Variants in EPHA5 observed in about 807,000 individuals in gnomAD.
EPHA5 encodes the protein EPH receptor A5, also known as ephrin type-A receptor 5.
EPHA5 carries 60 observed loss-of-function variants against 105.0 expected under a neutral mutation model. That is an observed-to-expected ratio of 0.57 (90% CI 0.46 to 0.71). The LOEUF is 0.71. Among genes scored for constraint, EPHA5 ranks in the 30% least tolerant of loss-of-function variants. The pLI, the probability that EPHA5 is intolerant of heterozygous loss-of-function variation, is 0.00. For synonymous variants in EPHA5, 513 were observed against 449.1 expected, an observed-to-expected ratio of 1.14 and a Z score of -1.80; for missense variants, 1,218 against 1,274.7, an observed-to-expected ratio of 0.96 and a Z score of 0.68.
intron 2 of EPHA5, among the ~76,000 whole-genome samples, chr4:65,638,643 G>A (rs1455670927): frequency 6.6e-6 from 1 of 152,156 alleles, no homozygotes; most frequent in Non-Finnish European, 1.5e-5. Flanking sequence ...GAAGGCTGAG[G>A]CAGGAGAATT....
chr4:65,379,336 C>G (rs1280204960), intron 8 of EPHA5, among the ~76,000 whole-genome samples: 1 of 151,260 alleles, frequency 6.6e-6, no homozygotes, highest in Non-Finnish European at 1.5e-5. Context: ...AGAATCTAAA[C>G]CAAGTTACAT....
At chr4:65,346,781 A>C (rs1385241457) in intron 14 of EPHA5, among the ~76,000 whole-genome samples, 1 of 152,214 alleles carries the variant, frequency 6.6e-6, no homozygotes, top group Non-Finnish European at 1.5e-5. Flanking sequence ...ACAAATTTAC[A>C]AGAAAAAAAT....
intron 5 of EPHA5, among the ~76,000 whole-genome samples, chr4:65,429,163 T>C (rs781455070): frequency 1.7e-4 from 26 of 152,068 alleles, no homozygotes; most frequent in Non-Finnish European, 3.4e-4. Context: ...ATTTTTACAG[T>C]ATTGTAGTAA....
chr4:65,406,188 C>T (rs1560502967), intron 7 of EPHA5, among the ~76,000 whole-genome samples: 1 of 152,154 alleles, frequency 6.6e-6, no homozygotes, highest in Non-Finnish European at 1.5e-5. Flanking sequence ...AAGCAGATAT[C>T]ACCTTTAGGG....
At chr4:65,432,449 T>C (rs1470720141) in intron 5 of EPHA5, among the ~76,000 whole-genome samples, 1 of 152,220 alleles carries the variant, frequency 6.6e-6, no homozygotes, top group Non-Finnish European at 1.5e-5. Flanking sequence ...AGTTAATTAA[T>C]GGAAACAAGT....
At chr4:65,636,173 G>C (rs1270226537) in intron 2 of EPHA5, among the ~76,000 whole-genome samples, 2 of 152,064 alleles carry the variant, frequency 1.3e-5, no homozygotes, top group African/African-American at 4.8e-5. Context: ...TGCTAACATA[G>C]GTTTGACACT....
intron 3 of EPHA5, among the ~76,000 whole-genome samples, chr4:65,585,527 G>A (rs1742033942): frequency 6.6e-6 from 1 of 151,682 alleles, no homozygotes; most frequent in African/African-American, 2.4e-5. Context: ...AGTTGAAACA[G>A]GATCTGTTAA....
intron 3 of EPHA5, among the ~76,000 whole-genome samples, chr4:65,529,587 T>C (rs2149298675): frequency 6.6e-6 from 1 of 152,236 alleles, no homozygotes; most frequent in South Asian, 2.1e-4. Context: ...TCACCATACA[T>C]ACTCATATAA....
intron 1 of EPHA5, among the ~76,000 whole-genome samples, chr4:65,653,464 T>C (rs1169906012): frequency 2.0e-5 from 3 of 152,142 alleles, no homozygotes; most frequent in African/African-American, 7.2e-5. Context: ...ACAAATATTG[T>C]GCCAAATGAT....
intron 5 of EPHA5, among the ~76,000 whole-genome samples, chr4:65,445,608 A>G (rs959741161): frequency 2.6e-5 from 4 of 152,180 alleles, no homozygotes; most frequent in African/African-American, 9.6e-5. Context: ...TGCAAGCTTG[A>G]AAGAAATCGG....
At chr4:65,546,807 T>C (rs1737417690) in intron 3 of EPHA5, among the ~76,000 whole-genome samples, 1 of 152,104 alleles carries the variant, frequency 6.6e-6, no homozygotes, top group African/African-American at 2.4e-5. Flanking sequence ...TAAATAACCA[T>C]TGAGTTCTCA....
chr4:65,347,065 A>C (rs28406175), intron 14 of EPHA5, among the ~76,000 whole-genome samples: 98,144 of 151,976 alleles, frequency 0.65, 31,982 homozygotes, highest in East Asian at 0.8. Flanking sequence ...TGTTAATTAC[A>C]GGCATTGTTG....
At chr4:65,333,205 T>C (rs1342978066) in intron 15 of EPHA5, among the ~76,000 whole-genome samples, 1 of 151,156 alleles carries the variant, frequency 6.6e-6, no homozygotes, top group African/African-American at 2.5e-5. Context: ...ATTTACATAA[T>C]TTACATGTGA....
intron 3 of EPHA5, among the ~76,000 whole-genome samples, chr4:65,540,300 G>C (rs1252292983): frequency 1.3e-5 from 2 of 151,472 alleles, no homozygotes; most frequent in Middle Eastern, 3.2e-3. Context: ...AAAGAATCAA[G>C]TTGTCTTTTG....
chr4:65,373,865 C>T (rs1428079194), intron 8 of EPHA5, among the ~76,000 whole-genome samples: 2 of 151,540 alleles, frequency 1.3e-5, no homozygotes, highest in Admixed American at 1.3e-4. Context: ...AAGCATGAAA[C>T]CTAATGAATG....
chr4:65,527,018 A>T (rs571865334), intron 3 of EPHA5, among the ~76,000 whole-genome samples: 2 of 152,050 alleles, frequency 1.3e-5, no homozygotes, highest in Non-Finnish European at 2.9e-5. Context: ...AATAAATCAG[A>T]CTAAAAATCA....
intron 3 of EPHA5, among the ~76,000 whole-genome samples, chr4:65,561,441 G>A (rs889762591): frequency 6.6e-6 from 1 of 151,984 alleles, no homozygotes; most frequent in Non-Finnish European, 1.5e-5. Flanking sequence ...TCATAAGCAC[G>A]GGCATCATTC....
chr4:65,347,869 T>G (rs1339872696), intron 14 of EPHA5, among the ~76,000 whole-genome samples, 185 bp downstream of exon 14: 3 of 152,206 alleles, frequency 2.0e-5, no homozygotes, highest in Non-Finnish European at 2.9e-5. Flanking sequence ...TTACTTTCCT[T>G]TGTAATAACT....
chr4:65,394,759 C>T (rs1247726272), intron 8 of EPHA5, among the ~76,000 whole-genome samples: 1 of 151,992 alleles, frequency 6.6e-6, no homozygotes, highest in Non-Finnish European at 1.5e-5. Flanking sequence ...AGTATTGAGA[C>T]ATCGTGGTGT....
Sources: gnomAD v4.1 joint callset for allele counts (sites outside exome capture counted in the v4.1 genomes callset) on GRCh38, gnomAD v4.1.1 for gene constraint, MANE v1.5 for transcripts, NCBI Gene and HGNC (gene_info 2026-07-23, HGNC 2026-07-21) for gene names.